The following TMEM182 variants were observed in gnomAD, a reference collection of about 807,000 sequenced individuals.
The protein encoded by TMEM182 is transmembrane protein 182.
TMEM182 carries 20 observed loss-of-function variants against 26.8 expected under a neutral mutation model. The ratio of observed to expected loss-of-function variants is 0.75; its 90% CI spans 0.53 to 1.09. The LOEUF (loss-of-function observed/expected upper bound fraction) is 1.09. Among genes scored for constraint, TMEM182 ranks in the 50% least tolerant of loss-of-function variants. TMEM182 has a pLI of 0.00. For missense variants in TMEM182, 277 were observed against 275.5 expected, an observed-to-expected ratio of 1.01 and a Z score of -0.04; for synonymous variants, 109 against 102.2, an observed-to-expected ratio of 1.07 and a Z score of -0.40.
chr2:102,803,799 G>A (rs1260770355), intron 4 of TMEM182, among the ~76,000 whole-genome samples: 1 of 152,206 alleles, frequency 6.6e-6, no homozygotes, highest in African/African-American at 2.4e-5. Context: ...GTCAAGAGCA[G>A]GACGGCTTAG....
intron 3 of TMEM182, among the ~76,000 whole-genome samples, chr2:102,823,361 C>T (rs572892378): frequency 1.3e-5 from 2 of 152,126 alleles, no homozygotes; most frequent in East Asian, 3.9e-4. Context: ...TTGATGGAGT[C>T]TCAAACTGTC....
At chr2:102,776,710 T>A (rs1468214800) in intron 3 of TMEM182, among the ~76,000 whole-genome samples, 2 of 152,196 alleles carry the variant, frequency 1.3e-5, no homozygotes, top group African/African-American at 4.8e-5. Context: ...GGTGAGAGCA[T>A]GCTTAAAGAA....
At chr2:102,832,252 C>T (rs979512165) in intron 3 of TMEM182, among the ~76,000 whole-genome samples, 1 of 152,148 alleles carries the variant, frequency 6.6e-6, no homozygotes, top group African/African-American at 2.4e-5. Context: ...CTCAATATTC[C>T]TCTAAATTCT....
chr2:102,765,754 A>G (rs892393343), intron 3 of TMEM182, among the ~76,000 whole-genome samples: 1 of 152,060 alleles, frequency 6.6e-6, no homozygotes, highest in South Asian at 2.1e-4. Flanking sequence ...GCTGACCCAC[A>G]GCTGTGCTTG....
chr2:102,740,506 G>A (rs1216864066), intron 1 of TMEM182, among the ~76,000 whole-genome samples: 2 of 152,160 alleles, frequency 1.3e-5, no homozygotes, highest in Admixed American at 6.5e-5. Context: ...TTGCTGAACT[G>A]TGAGTCAATT....
At chr2:102,747,668 A>G (rs1048741723) in intron 1 of TMEM182, among the ~76,000 whole-genome samples, 3 of 151,950 alleles carry the variant, frequency 2.0e-5, no homozygotes, top group African/African-American at 7.3e-5. Context: ...CAACAACAGG[A>G]TCTTTAAAGG....
intron 4 of TMEM182, among the ~76,000 whole-genome samples, chr2:102,801,708 G>A (rs796443028): frequency 2.0e-5 from 3 of 152,184 alleles, no homozygotes; most frequent in African/African-American, 7.2e-5. Flanking sequence ...AAAAGGGAAA[G>A]GAAAATTTGT....
rs745978737 is a variant in TMEM182 at position 102,747,338 on chromosome 2, TC to T, written c.-83+10326del. Among the ~76,000 whole-genome samples the T allele has an allele frequency of 2.0e-5, 3 of 152,352 alleles. No individual in the cohort carries two copies. In the East Asian group the frequency reaches 5.8e-4, roughly 29 times the overall value. ...GTCTTTGCCAGGGAAAGTGTCATCA[TC>T]TGTATAGTCTCAGTTATGACAGGTG... On this transcript the variant is annotated intron_variant, in intron 1 of 5. Coordinates refer to the TMEM182 transcript ENST00000409173.
intron 3 of TMEM182, among the ~76,000 whole-genome samples, chr2:102,768,624 C>T (rs1189870668): frequency 1.3e-5 from 2 of 151,882 alleles, no homozygotes; most frequent in Non-Finnish European, 2.9e-5. Flanking sequence ...TTGCTTGAAC[C>T]TGGGAGGCGG....
chr2:102,838,215 G>A (rs1164082183), intron 3 of TMEM182, among the ~76,000 whole-genome samples: 1 of 152,188 alleles, frequency 6.6e-6, no homozygotes, highest in Non-Finnish European at 1.5e-5. Flanking sequence ...TTACTTTTGA[G>A]GGATAGCTAT....
At chr2:102,771,529 A>G (rs997911068) in intron 3 of TMEM182, among the ~76,000 whole-genome samples, 4 of 152,174 alleles carry the variant, frequency 2.6e-5, no homozygotes. Context: ...GTTCTGTACA[A>G]TTTATTTGTG....
intron 1 of TMEM182, among the ~76,000 whole-genome samples, chr2:102,740,677 C>T (rs1174721017): frequency 6.6e-6 from 1 of 152,146 alleles, no homozygotes; most frequent in African/African-American, 2.4e-5. Context: ...AAGTTAAATG[C>T]ACACCTACCC....
chr2:102,821,149 T>G (rs973475429), downstream of TMEM182, among the ~76,000 whole-genome samples: 1 of 152,216 alleles, frequency 6.6e-6, no homozygotes, highest in Non-Finnish European at 1.5e-5. Context: ...CAAGGTGCAC[T>G]CCAGACTCAA....
rs1484472259 is a variant in TMEM182 at position 102,814,958 on chromosome 2, TAC to T, written c.682_683del (p.His228SerfsTer12). 6 of 1,613,786 alleles carry T rather than the reference TAC, an allele frequency of 3.7e-6. No homozygotes were observed. In the Admixed American group the frequency reaches 1.0e-4, roughly 27 times the overall value. ...CTGGTTGTTGGATGGCATATTCAGA[TAC>T]ATCACTAAATCAACTGTTGCCACAA... is the stretch of plus-strand genomic sequence containing the variant. On this transcript the variant is annotated frameshift_variant, in exon 5 of 5. Coordinates refer to ENST00000412401, the MANE Select transcript of TMEM182 (RefSeq NM_144632.5). LOFTEE classifies it high-confidence loss of function.
intron 3 of TMEM182, among the ~76,000 whole-genome samples, chr2:102,786,305 C>G (rs1008991106): frequency 6.6e-6 from 1 of 150,394 alleles, no homozygotes; most frequent in East Asian, 2.0e-4. Context: ...ACCTCTGCCA[C>G]CTGGGTTCAA....
chr2:102,816,141 A>T lies in TMEM182; in HGVS notation c.*1173A>T. On this transcript the variant is annotated 3_prime_UTR_variant, in exon 5 of 5. Coordinates refer to ENST00000412401, the MANE Select transcript of TMEM182 (RefSeq NM_144632.5). The stretch of plus-strand genomic sequence containing the variant: ...GACATTTTGCATATCAAAGATGTTC[A>T]TTTGGCACTAATGTTGATTGAAATC... 1 of 985,400 alleles carries T rather than the reference A, an allele frequency of 1.0e-6. No homozygotes were observed. Among genetic ancestry groups the T allele is most frequent in the Non-Finnish European group, 1.2e-6 (1 of 829,930 alleles). 61.0% of individuals were successfully genotyped at this position (985,400 alleles called of 1,614,324 possible). A position where few individuals can be genotyped will look rare whatever the true frequency, so the allele number is the denominator to read the frequency against.
chr2:102,799,168 A>C (rs1420840307), intron 4 of TMEM182, among the ~76,000 whole-genome samples: 1 of 152,242 alleles, frequency 6.6e-6, no homozygotes, highest in African/African-American at 2.4e-5. Context: ...ATCAAACCAG[A>C]GTGACAGAGT....
intron 3 of TMEM182, among the ~76,000 whole-genome samples, chr2:102,827,027 C>T (rs1384347522): frequency 6.6e-6 from 1 of 152,188 alleles, no homozygotes; most frequent in Non-Finnish European, 1.5e-5. Context: ...GCTTTACTTG[C>T]CCTTGTCTTA....
At chr2:102,819,951 G>T (rs1316601425), downstream of TMEM182, among the ~76,000 whole-genome samples, 1 of 152,134 alleles carries the variant, frequency 6.6e-6, no homozygotes, top group Non-Finnish European at 1.5e-5. Context: ...AATGCCAGTG[G>T]CCATGATTGT....
Sources: allele counts gnomAD v4.1 joint callset (sites outside exome capture counted in the v4.1 genomes callset), GRCh38; gene constraint gnomAD v4.1.1; transcripts MANE v1.5; gene names NCBI Gene and HGNC (gene_info 2026-07-23, HGNC 2026-07-21).